Variants in PAPOLG observed in about 807,000 individuals in gnomAD.
PAPOLG encodes poly(A) polymerase gamma, also known as PAP-gamma.
A neutral mutation model predicts 99.0 loss-of-function variants in PAPOLG; 40 were observed. The observed-to-expected ratio is 0.40, with a 90% confidence interval of 0.31 to 0.53. The LOEUF (loss-of-function observed/expected upper bound fraction) is 0.53, where lower values mean the gene tolerates loss of function less well. PAPOLG is among the 20% of genes least tolerant of loss of function. The pLI is 0.41. For synonymous variants in PAPOLG, 310 were observed against 299.3 expected (o/e 1.04, Z -0.37); for missense variants, 675 against 884.1 (o/e 0.76, Z 3.00).
chr2:60,772,087 A>G lies in PAPOLG; in HGVS notation c.604+457A>G, dbSNP rs142321868. Reference sequence around the variant, plus strand: ...TCTCTTTAATATTAGGCCTGATAGAAGACAGCTAGATTCTCATTTGTGTCT... The same window carrying G: ...TCTCTTTAATATTAGGCCTGATAGAGGACAGCTAGATTCTCATTTGTGTCT... On this transcript the variant is annotated intron_variant, in intron 7 of 21. Transcript: ENST00000238714. 3.5e-3 allele frequency among the ~76,000 whole-genome samples: 537 copies of G among 152,164 alleles called. 1 individual carries two copies. Among genetic ancestry groups the G allele is most frequent in the Non-Finnish European group, 5.9e-3 (398 of 68,020 alleles).
Position 60,760,158 on chromosome 2 carries a change from T to A in PAPOLG, c.42T>A (p.Arg14=). ...GAAACACCGTGCTGGACAGCCAGCGTCAACAAAAGCATTATGGAATTACCT... is the reference window on the plus strand; with the variant it reads ...GAAACACCGTGCTGGACAGCCAGCGACAACAAAAGCATTATGGAATTACCT... The part of the protein sequence containing the change: ...MSANTVLDSQ[R]QQKHYGITSP... Residue 14 remains arginine, a synonymous_variant, in exon 2 of 22, where the codon CGT becomes CGA. Transcript: ENST00000238714. 1 of 1,614,080 alleles carries A rather than the reference T, an allele frequency of 6.2e-7. No homozygotes were observed. Among genetic ancestry groups the A allele is most frequent in the Non-Finnish European group, 8.5e-7 (1 of 1,179,994 alleles).
At position 60,779,652 on chromosome 2, in the gene PAPOLG, C is replaced by A; in HGVS notation, c.710C>A (p.Ser237Tyr). The A allele has an allele frequency of 6.2e-7, 1 of 1,610,966 alleles. No homozygotes were observed. The highest frequency in any genetic ancestry group is 8.5e-7 in the Non-Finnish European group (1 of 1,178,054). Residue 237 changes from serine (S) to tyrosine (Y), a missense_variant, in exon 9 of 22, where the codon TCC becomes TAC. Ser to Tyr is a moderately radical substitution (Grantham distance 144). This residue lies in a region of PAPOLG where 113 missense variants were observed against 231.5 expected (regional missense o/e 0.49). Coordinates refer to ENST00000238714, the MANE Select transcript of PAPOLG (RefSeq NM_022894.4). ...KLWAKRRGIYSNMLGFLGGVS... is the reference protein window; with the variant it reads ...KLWAKRRGIYYNMLGFLGGVS... Reference sequence around the variant, plus strand: ...GATTTTCTAGGACGTGGTATTTATTCCAACATGCTAGGATTCCTTGGTGGT... The same window carrying A: ...GATTTTCTAGGACGTGGTATTTATTACAACATGCTAGGATTCCTTGGTGGT...
rs571867384 is a variant in PAPOLG, at chr2:60,791,886, A to C, written c.1518+4A>C. The C allele has an allele frequency of 6.2e-7, 1 of 1,611,588 alleles. No homozygotes were observed. Among genetic ancestry groups the C allele is most frequent in the South Asian group, 1.1e-5 (1 of 90,808 alleles). On this transcript the variant is annotated splice_donor_region_variant and intron_variant, in intron 16 of 21. Transcript: ENST00000238714. ...AATTCTTCAAAAGAAGAAAAAGGTGAGTTTATAATCTTAACCCTTCAGTAT... is the reference window on the plus strand; with the variant it reads ...AATTCTTCAAAAGAAGAAAAAGGTGCGTTTATAATCTTAACCCTTCAGTAT...
At chr2:60,795,745 AC>A (rs1433320492) in intron 21 of PAPOLG, among the ~76,000 whole-genome samples, 7 of 152,006 alleles carry the variant, frequency 4.6e-5, no homozygotes, top group Admixed American at 6.6e-5. Context: ...ATCAACTGTT[AC>A]CCTGCCAGGT....
rs1368349478 is a variant in PAPOLG at position 60,801,820 on chromosome 2, T to C, written c.*4660T>C. ...CATAAGATGATCATCAAGCTTGCTATAAGTTTTAAGCTATTGCTACATTTG... is the reference window on the plus strand; with the variant it reads ...CATAAGATGATCATCAAGCTTGCTACAAGTTTTAAGCTATTGCTACATTTG... On this transcript the variant is annotated 3_prime_UTR_variant, in exon 22 of 22. Coordinates refer to ENST00000238714, the MANE Select transcript of PAPOLG (RefSeq NM_022894.4). The C allele has an allele frequency of 6.6e-6, 1 of 152,372 alleles. No individual in the cohort carries two copies. The highest frequency in any genetic ancestry group is 1.5e-5 in the Non-Finnish European group (1 of 68,036). The allele number at this position is 152,372 out of a possible 1,614,324, so 9.4% of individuals were successfully genotyped here.
chr2:60,758,553 G>A (rs1670425724), intron 1 of PAPOLG, among the ~76,000 whole-genome samples: 1 of 150,796 alleles, frequency 6.6e-6, no homozygotes. Flanking sequence ...TCAGCCTCCC[G>A]AGTAGCCGGG....
At chr2:60,756,553 C>A in intron 1 of PAPOLG, 58 bp downstream of exon 1, 2 of 1,525,688 alleles carry the variant, frequency 1.3e-6, no homozygotes, top group Middle Eastern at 2.4e-4. Flanking sequence ...TGAGGTGGTC[C>A]GACTGTGTCC....
rs904523149 is a variant in PAPOLG, at chr2:60,800,579, A to G, written c.*3419A>G. On this transcript the variant is annotated 3_prime_UTR_variant, in exon 22 of 22. Transcript: ENST00000238714. ...GCATTATTAAAATGCTTACTTCACTATAGTAGCAATTAGGTAAAGATGGGC... is the reference window on the plus strand; with the variant it reads ...GCATTATTAAAATGCTTACTTCACTGTAGTAGCAATTAGGTAAAGATGGGC... 1 of 152,384 alleles carries G rather than the reference A, an allele frequency of 6.6e-6. No homozygotes were observed. The highest frequency in any genetic ancestry group is 2.4e-5 in the African/African-American group (1 of 41,466). 9.4% of individuals were successfully genotyped at this position (152,384 alleles called of 1,614,324 possible). A position where few individuals can be genotyped will look rare whatever the true frequency, so the allele number is the denominator to read the frequency against.
At chr2:60,762,187 T>C (rs1282317946) in intron 3 of PAPOLG, among the ~76,000 whole-genome samples, 3 of 152,174 alleles carry the variant, frequency 2.0e-5, no homozygotes, top group African/African-American at 4.8e-5. Context: ...CATTGCCTCA[T>C]GGCCCCCACC....
At position 60,793,636 on chromosome 2, in the gene PAPOLG, T is replaced by G; in HGVS notation, c.1689T>G (p.Ala563=). 1 of 1,613,856 alleles carries G rather than the reference T, an allele frequency of 6.2e-7. No individual in the cohort carries two copies. The highest frequency in any genetic ancestry group is 8.5e-7 in the Non-Finnish European group (1 of 1,179,790). The change falls in exon 18 of 22, where the codon GCT becomes GCG. Residue 563 remains alanine, a synonymous_variant. Transcript: ENST00000238714. ...PSVGETERNS[A]EPAAVIVEKP... ...TTAACACTTTCATTAGGAATAGTGC[T>G]GAGCCTGCTGCTGTAATTGTGGAGA... is the stretch of plus-strand genomic sequence containing the variant.
chr2:60,794,278 T>G, intron 19 of PAPOLG, 87 bp downstream of exon 19: 2 of 1,323,542 alleles, frequency 1.5e-6, no homozygotes, highest in Non-Finnish European at 2.0e-6. Context: ...CTGTTGGTGT[T>G]CTGTTAGGAG....
At chr2:60,795,627 A>C (rs1438045434) in intron 21 of PAPOLG, among the ~76,000 whole-genome samples, 1 of 151,584 alleles carries the variant, frequency 6.6e-6, no homozygotes, top group Non-Finnish European at 1.5e-5. Context: ...TAATGAACAG[A>C]ATGGCTTATT....
chr2:60,765,208 A>G (rs1670638061), intron 3 of PAPOLG, among the ~76,000 whole-genome samples: 1 of 149,744 alleles, frequency 6.7e-6, no homozygotes, highest in African/African-American at 2.5e-5. Context: ...AGCAGAGGCT[A>G]CAGGTACACA....
chr2:60,773,743 G>A (rs770099916), intron 7 of PAPOLG, among the ~76,000 whole-genome samples: 30 of 150,590 alleles, frequency 2.0e-4, no homozygotes, highest in Non-Finnish European at 2.5e-4. Flanking sequence ...AGTCTCAACA[G>A]AAAAGTATGG....
chr2:60,776,907 A>G (rs1157432863), intron 8 of PAPOLG, among the ~76,000 whole-genome samples: 2 of 152,218 alleles, frequency 1.3e-5, no homozygotes, highest in Non-Finnish European at 2.9e-5. Flanking sequence ...ACCTTCATCA[A>G]TGATTTTAAC....
intron 15 of PAPOLG, among the ~76,000 whole-genome samples, chr2:60,789,234 G>A (rs1056786441): frequency 2.6e-5 from 4 of 151,844 alleles, no homozygotes; most frequent in Non-Finnish European, 5.9e-5. Context: ...GCTAAATGAC[G>A]AGTTAATGGG....
At position 60,766,671 on chromosome 2, in the gene PAPOLG, C is replaced by A. The variant is rs1416291387; in HGVS notation, c.247-1799C>A. ...GGGCAACACAGTGAAACCCCGTCTC[C>A]ATCTGTTTAAAAAAAAAAAAAAAAC... On this transcript the variant is annotated intron_variant, in intron 3 of 21. Coordinates refer to ENST00000238714, the MANE Select transcript of PAPOLG (RefSeq NM_022894.4). 2.8e-5 allele frequency among the ~76,000 whole-genome samples: 4 copies of A among 145,232 alleles called. No individual in the cohort carries two copies. The East Asian group carries it at 5.9e-4, about 21-fold the overall frequency.
chr2:60,768,333 C>T, intron 3 of PAPOLG, 137 bp from the exon 4 acceptor site: 6 of 753,452 alleles, frequency 8.0e-6, no homozygotes, highest in Non-Finnish European at 1.3e-5. Context: ...AACTCCTGAC[C>T]TCAGGTGATC....
intron 3 of PAPOLG, among the ~76,000 whole-genome samples, chr2:60,762,952 AT>A (rs923935271): frequency 6.7e-6 from 1 of 149,444 alleles, no homozygotes; most frequent in Non-Finnish European, 1.5e-5. Context: ...ATTTTATTTT[AT>A]TTTTTTTTGG....
Sources: allele counts gnomAD v4.1 joint callset (sites outside exome capture counted in the v4.1 genomes callset), GRCh38; gene constraint gnomAD v4.1.1; regional missense constraint gnomAD v4.1.1; transcripts MANE v1.5; gene names NCBI Gene and HGNC (gene_info 2026-07-23, HGNC 2026-07-21).